Variants in RGS6 observed in about 807,000 individuals in gnomAD.
RGS6 encodes the protein regulator of G protein signaling 6.
Under a neutral mutation model 78.5 loss-of-function variants are expected in RGS6, and 30 were observed. That is an observed-to-expected ratio of 0.38 (90% CI 0.29 to 0.52). RGS6 has a LOEUF of 0.52. RGS6 is among the 20% of genes least tolerant of loss of function. The probability of loss-of-function intolerance (pLI) is 0.85; values close to 1 mark genes in which losing one functional copy is unlikely to be tolerated. For synonymous variants in RGS6, 206 were observed against 206.0 expected (o/e 1.00, Z 0.00); for missense variants, 495 against 609.7 (o/e 0.81, Z 1.98).
intron 2 of RGS6, among the ~76,000 whole-genome samples, chr14:71,983,400 T>G (rs1461438267): frequency 6.6e-6 from 1 of 152,234 alleles, no homozygotes; most frequent in African/African-American, 2.4e-5. Flanking sequence ...TTTGAACATT[T>G]CTGTATTAGT....
chr14:72,612,756 A>G, the RGS6 span: 199,567 of 369,234 alleles, frequency 0.54, 57,198 homozygotes, highest in East Asian at 0.94. Flanking sequence ...ATTGCCAAAT[A>G]TCTTTCATGA....
At chr14:72,051,803 G>A (rs1384628438) in intron 2 of RGS6, among the ~76,000 whole-genome samples, 3 of 152,192 alleles carry the variant, frequency 2.0e-5, no homozygotes, top group African/African-American at 7.2e-5. Context: ...TTATCACTAA[G>A]TCACTGAGAA....
chr14:72,528,130 T>A (rs1032585272), intron 15 of RGS6, among the ~76,000 whole-genome samples: 7 of 152,184 alleles, frequency 4.6e-5, no homozygotes, highest in African/African-American at 1.7e-4. Context: ...TCTGATTAGC[T>A]TCCCCACCTC....
chr14:72,325,515 T>C (rs990340482), intron 2 of RGS6, among the ~76,000 whole-genome samples: 3 of 152,222 alleles, frequency 2.0e-5, no homozygotes, highest in African/African-American at 7.2e-5. Context: ...TAATCCGTCT[T>C]GAATTAATTT....
At chr14:72,048,559 C>T (rs1268422210) in intron 2 of RGS6, among the ~76,000 whole-genome samples, 1 of 152,136 alleles carries the variant, frequency 6.6e-6, no homozygotes, top group African/African-American at 2.4e-5. Flanking sequence ...TAGTGCTTTC[C>T]ATGAGGTATT....
At position 71,960,400 on chromosome 14, in the gene RGS6, T is replaced by C. The variant is rs117956675; in HGVS notation, c.-20-4372T>C. Reference sequence around the variant, plus strand: ...ATGGGTCTTTGTTGATCAAGAGTCTTCTTTATTGGCCACTTTTAATGGCTT... The same window carrying C: ...ATGGGTCTTTGTTGATCAAGAGTCTCCTTTATTGGCCACTTTTAATGGCTT... On this transcript the variant is annotated intron_variant, in intron 1 of 17. Coordinates refer to ENST00000553525, the MANE Select transcript of RGS6 (RefSeq NM_001204424.2). Among the ~76,000 whole-genome samples, 325 of 152,310 alleles carry C rather than the reference T, an allele frequency of 2.1e-3. 2 individuals are homozygous for C. The highest frequency in any genetic ancestry group is 4.9e-3 in the Admixed American group (75 of 15,304).
At chr14:72,262,021 A>G (rs913684474) in intron 2 of RGS6, among the ~76,000 whole-genome samples, 2 of 151,854 alleles carry the variant, frequency 1.3e-5, no homozygotes, top group African/African-American at 4.8e-5. Context: ...GAAGACATTA[A>G]CCTACAACAT....
At chr14:72,309,604 G>A (rs1384075737) in intron 2 of RGS6, among the ~76,000 whole-genome samples, 1 of 152,180 alleles carries the variant, frequency 6.6e-6, no homozygotes, top group African/African-American at 2.4e-5. Context: ...TGTGAACTTT[G>A]GGTTGCTTAC....
Position 72,262,578 on chromosome 14 carries a change from G to A in RGS6, c.85-89517G>A, listed in dbSNP as rs181582457. On this transcript the variant is annotated intron_variant, in intron 2 of 17. Transcript: ENST00000553525. ...ATTAAGGTTTCAACATATAAATTTG[G>A]GGGCCTGGGGAGAACACAGTTCAGT... Among the ~76,000 whole-genome samples, 240 of 152,230 alleles carry A rather than the reference G, an allele frequency of 1.6e-3. 4 individuals carry two copies. The highest frequency in any genetic ancestry group is 5.6e-3 in the African/African-American group (234 of 41,516).
the RGS6 span, among the ~76,000 whole-genome samples, chr14:71,870,881 C>G: frequency 6.6e-6 from 1 of 152,188 alleles, no homozygotes; most frequent in Non-Finnish European, 1.5e-5. Context: ...GGCCTTGGGC[C>G]TCCCATCCCA....
chr14:72,396,779 C>A (rs537606165), intron 3 of RGS6, among the ~76,000 whole-genome samples: 349 of 151,254 alleles, frequency 2.3e-3, no homozygotes, highest in African/African-American at 8.1e-3. Context: ...CCAGTTTTCC[C>A]AACACCATTT....
At chr14:72,335,004 G>A (rs886697225) in intron 2 of RGS6, among the ~76,000 whole-genome samples, 9 of 152,012 alleles carry the variant, frequency 5.9e-5, no homozygotes, top group Non-Finnish European at 1.2e-4. Flanking sequence ...CCCAGTGGGA[G>A]GTAATTGAAT....
chr14:72,334,888 G>C (rs2075747312), intron 2 of RGS6, among the ~76,000 whole-genome samples: 1 of 152,086 alleles, frequency 6.6e-6, no homozygotes, highest in African/African-American at 2.4e-5. Flanking sequence ...TCTACCTGCT[G>C]CACACACCCT....
At chr14:72,254,893 C>G (rs1056273927) in intron 2 of RGS6, among the ~76,000 whole-genome samples, 3 of 152,188 alleles carry the variant, frequency 2.0e-5, no homozygotes, top group Non-Finnish European at 2.9e-5. Context: ...TACAGTTAGT[C>G]TCAGAGTTGT....
At chr14:71,971,529 G>A (rs540911702) in intron 2 of RGS6, among the ~76,000 whole-genome samples, 1 of 152,170 alleles carries the variant, frequency 6.6e-6, no homozygotes, top group Admixed American at 6.5e-5. Flanking sequence ...TCATCCTTTT[G>A]GGCCTTGGGG....
the RGS6 span, among the ~76,000 whole-genome samples, chr14:71,897,989 G>A: frequency 6.6e-6 from 1 of 151,306 alleles, no homozygotes; most frequent in African/African-American, 2.4e-5. Context: ...CACTGGACAA[G>A]CCTGTTTTTC....
At chr14:72,012,311 A>G (rs182646042) in intron 2 of RGS6, among the ~76,000 whole-genome samples, 98 of 152,318 alleles carry the variant, frequency 6.4e-4, no homozygotes, top group Non-Finnish European at 1.1e-3. Flanking sequence ...CTAGTTTTCT[A>G]TACACATAGA....
At chr14:72,353,915 T>C (rs954014079) in intron 3 of RGS6, among the ~76,000 whole-genome samples, 1 of 151,586 alleles carries the variant, frequency 6.6e-6, no homozygotes, top group Non-Finnish European at 1.5e-5. Flanking sequence ...ACCTGGGAGG[T>C]AGAGGTTGCA....
chr14:72,204,822 C>G (rs74862529), intron 2 of RGS6, among the ~76,000 whole-genome samples: 3,154 of 152,306 alleles, frequency 0.021, 97 homozygotes, highest in African/African-American at 0.072. Flanking sequence ...CAGAAACATT[C>G]AGACCTAGCA....
Sources: allele counts gnomAD v4.1 joint callset (sites outside exome capture counted in the v4.1 genomes callset), GRCh38; gene constraint gnomAD v4.1.1; transcripts MANE v1.5; gene names NCBI Gene and HGNC (gene_info 2026-07-23, HGNC 2026-07-21).